The following NOX4 variants were observed in gnomAD, a reference collection of about 807,000 sequenced individuals.
NOX4 encodes the protein NADPH oxidase 4, also known as kidney oxidase-1.
Under a neutral mutation model 87.6 loss-of-function variants are expected in NOX4, and 69 were observed. That is an observed-to-expected ratio of 0.79 (90% CI 0.65 to 0.96). The LOEUF is 0.96. Among genes scored for constraint, NOX4 ranks in the 40% least tolerant of loss-of-function variants. The pLI, the probability that NOX4 is intolerant of heterozygous loss-of-function variation, is 0.00. For missense variants in NOX4, 680 were observed against 681.5 expected, an observed-to-expected ratio of 1.00 and a Z score of 0.02; for synonymous variants, 275 against 238.2, an observed-to-expected ratio of 1.15 and a Z score of -1.42.
chr11:89,345,052 A>G (rs1946156978), intron 13 of NOX4, among the ~76,000 whole-genome samples: 1 of 152,192 alleles, frequency 6.6e-6, no homozygotes, highest in Non-Finnish European at 1.5e-5. Context: ...AGATAATCAT[A>G]TCAATAGAAA....
the NOX4 span, among the ~76,000 whole-genome samples, chr11:89,518,003 T>C: frequency 1.2e-4 from 19 of 152,164 alleles, no homozygotes; most frequent in African/African-American, 4.6e-4. Context: ...CAAAAAAGCA[T>C]TGTTAGTATA....
chr11:89,340,157 G>A lies in NOX4; in HGVS notation c.1352C>T (p.Pro451Leu), dbSNP rs377628508. ...ILNTLLDDWKPYKLRRLYFIW... is the reference protein window; with the variant it reads ...ILNTLLDDWKLYKLRRLYFIW... ...AAAGTATAGTCTTCTAAGCTTGTATGGTTTCCAGTCATCCCTTTAAAATGA... is the reference window on the plus strand; with the variant it reads ...AAAGTATAGTCTTCTAAGCTTGTATAGTTTCCAGTCATCCCTTTAAAATGA... The change falls in exon 15 of 18, where the codon CCA becomes CTA. Residue 451 changes from proline to leucine, a missense_variant. Physicochemically the swap from Pro to Leu is moderately conservative, Grantham distance 98 (BLOSUM62 -3). Transcript: ENST00000263317. 4 of 1,591,890 alleles carry A rather than the reference G, an allele frequency of 2.5e-6. No individual in the cohort carries two copies. The South Asian group carries it at 4.5e-5, about 18-fold the overall frequency.
At chr11:89,356,241 T>A (rs1346733729) in intron 12 of NOX4, among the ~76,000 whole-genome samples, 1 of 151,996 alleles carries the variant, frequency 6.6e-6, no homozygotes, top group East Asian at 1.9e-4. Flanking sequence ...ATGTAAGTAA[T>A]TGTTGGTGTT....
chr11:89,366,117 C>T (rs530537229), intron 12 of NOX4, among the ~76,000 whole-genome samples: 33 of 152,176 alleles, frequency 2.2e-4, no homozygotes, highest in African/African-American at 7.0e-4. Flanking sequence ...TGACATATGC[C>T]TTCTTAGCCA....
the NOX4 span, among the ~76,000 whole-genome samples, chr11:89,542,399 T>C: frequency 6.6e-6 from 1 of 152,238 alleles, no homozygotes; most frequent in African/African-American, 2.4e-5. Flanking sequence ...TAATTTACTA[T>C]AACCTACTTA....
At chr11:89,413,063 G>A (rs915155642) in intron 8 of NOX4, among the ~76,000 whole-genome samples, 2 of 151,980 alleles carry the variant, frequency 1.3e-5, no homozygotes, top group African/African-American at 4.8e-5. Flanking sequence ...ATAGCAAACA[G>A]GTATATGAAA....
At chr11:89,429,992 A>G (rs1943690525) in intron 7 of NOX4, among the ~76,000 whole-genome samples, 1 of 152,336 alleles carries the variant, frequency 6.6e-6, no homozygotes, top group South Asian at 2.1e-4. Flanking sequence ...AGCACATCAA[A>G]AAGCTTATCC....
At chr11:89,566,773 C>A in the NOX4 span, among the ~76,000 whole-genome samples, 1 of 152,154 alleles carries the variant, frequency 6.6e-6, no homozygotes, top group African/African-American at 2.4e-5. Context: ...AAGCTGGGAA[C>A]CCTGCATGAG....
intron 11 of NOX4, among the ~76,000 whole-genome samples, chr11:89,394,408 T>C (rs1029932329): frequency 6.6e-5 from 10 of 152,284 alleles, no homozygotes; most frequent in African/African-American, 2.4e-4. Context: ...AACTGATTTC[T>C]TTTCTTATTC....
chr11:89,494,330 A>G (rs1168204045), upstream of NOX4, among the ~76,000 whole-genome samples: 1 of 152,222 alleles, frequency 6.6e-6, no homozygotes, highest in Non-Finnish European at 1.5e-5. Flanking sequence ...CCTATTATAT[A>G]TTACTTAAAC....
chr11:89,585,174 A>C, the NOX4 span, among the ~76,000 whole-genome samples: 1 of 152,140 alleles, frequency 6.6e-6, no homozygotes, highest in African/African-American at 2.4e-5. Context: ...AGTTATGCTT[A>C]GAAATTCTTA....
intron 8 of NOX4, among the ~76,000 whole-genome samples, chr11:89,408,242 A>G (rs1347103658): frequency 1.3e-5 from 2 of 152,310 alleles, no homozygotes; most frequent in South Asian, 2.1e-4. Flanking sequence ...ATAAATATTC[A>G]TTGATTAACT....
intron 13 of NOX4, among the ~76,000 whole-genome samples, chr11:89,352,698 T>C (rs1937652659): frequency 1.3e-5 from 2 of 152,208 alleles, no homozygotes. Context: ...GAATTACAAG[T>C]GGAGCCTGAA....
At chr11:89,507,468 T>C in the NOX4 span, among the ~76,000 whole-genome samples, 1 of 151,152 alleles carries the variant, frequency 6.6e-6, no homozygotes, top group South Asian at 2.1e-4. Flanking sequence ...ATATGTCATA[T>C]AATATATAAC....
At chr11:89,365,969 A>G (rs1047984321) in intron 12 of NOX4, among the ~76,000 whole-genome samples, 8 of 152,120 alleles carry the variant, frequency 5.3e-5, no homozygotes, top group East Asian at 1.9e-4. Context: ...AAGCAAATAC[A>G]TAAAATGATT....
In NOX4 at chr11:89,484,504, T is replaced by C. The variant is rs200803099; in HGVS notation, c.153+5954A>G. Among the ~76,000 whole-genome samples, 15 of 152,252 alleles carry C rather than the reference T, an allele frequency of 9.9e-5. No individual in the cohort carries two copies. The East Asian group carries it at 2.9e-3, about 29-fold the overall frequency. On this transcript the variant is annotated intron_variant, in intron 2 of 17. Transcript: ENST00000263317. ...AGTCCATACAGTGTGGGGTTTAAAA[T>C]GTTCTTGCGTGTGTTCATACAGCTG...
chr11:89,536,810 A>C, the NOX4 span, among the ~76,000 whole-genome samples: 1 of 152,204 alleles, frequency 6.6e-6, no homozygotes, highest in Non-Finnish European at 1.5e-5. Flanking sequence ...ACTCAAGAAA[A>C]TAAGATTTGG....
chr11:89,486,758 G>A (rs182892271), intron 2 of NOX4, among the ~76,000 whole-genome samples: 1 of 150,044 alleles, frequency 6.7e-6, no homozygotes, highest in Non-Finnish European at 1.5e-5. Flanking sequence ...TAAAGATGGG[G>A]TCTCACTTTG....
the NOX4 span, among the ~76,000 whole-genome samples, chr11:89,586,502 T>C: frequency 5.9e-5 from 9 of 152,290 alleles, no homozygotes; most frequent in Middle Eastern, 3.4e-3. Flanking sequence ...AAGTGCATTA[T>C]GCAAAATAAT....
Sources: allele counts gnomAD v4.1 joint callset (sites outside exome capture counted in the v4.1 genomes callset), GRCh38; gene constraint gnomAD v4.1.1; transcripts MANE v1.5; gene names NCBI Gene and HGNC (gene_info 2026-07-23, HGNC 2026-07-21).